PTER: variants seen among roughly 807,000 people sequenced by gnomAD.
PTER encodes the protein phosphotriesterase related.
Under a neutral mutation model 29.6 loss-of-function variants are expected in PTER, and 38 were observed. The ratio of observed to expected loss-of-function variants is 1.28; its 90% confidence interval spans 0.99 to 1.68. The LOEUF is 1.68. PTER is among the 40% of genes most tolerant of loss of function. The pLI is 0.00. For synonymous variants in PTER, 172 were observed against 154.5 expected (o/e 1.11, Z -0.84); for missense variants, 482 against 427.8 (o/e 1.13, Z -1.12).
intron 1 of PTER, among the ~76,000 whole-genome samples, chr10:16,447,101 CTTTTTT>C (rs71374690): frequency 8.0e-6 from 1 of 124,628 alleles, no homozygotes; most frequent in African/African-American, 3.1e-5. Context: ...TTTTTCTTTT[CTTTTTT>C]TTTTTTTTTT....
chr10:16,465,075 G>C (rs1834759280), intron 1 of PTER, among the ~76,000 whole-genome samples: 1 of 152,110 alleles, frequency 6.6e-6, no homozygotes, highest in Non-Finnish European at 1.5e-5. Flanking sequence ...CTCCCACTGG[G>C]TCCCTCCATG....
At chr10:16,438,336 A>G (rs1833726699) in intron 1 of PTER, among the ~76,000 whole-genome samples, 1 of 137,714 alleles carries the variant, frequency 7.3e-6, no homozygotes, top group African/African-American at 2.8e-5. Flanking sequence ...TCATTATTTC[A>G]CCAAAGCTGG....
chr10:16,477,355 T>G (rs898900285), intron 1 of PTER, among the ~76,000 whole-genome samples: 13 of 152,164 alleles, frequency 8.5e-5, no homozygotes, highest in Non-Finnish European at 1.8e-4. Context: ...TTTTATTTTT[T>G]TTTTAGAGAT....
chr10:16,480,706 T>G (rs1835448392), intron 1 of PTER, among the ~76,000 whole-genome samples: 1 of 152,152 alleles, frequency 6.6e-6, no homozygotes, highest in Admixed American at 6.5e-5. Context: ...AAAAATATAT[T>G]CAATCTACAT....
chr10:16,484,443 T>A lies in PTER; in HGVS notation c.59T>A (p.Leu20Gln), dbSNP rs140313051. 30 of 1,612,890 alleles carry A rather than the reference T, an allele frequency of 1.9e-5. No homozygotes were observed. Among genetic ancestry groups the A allele is most frequent in the Non-Finnish European group, 2.0e-5 (24 of 1,179,796 alleles). Residue 20 changes from leucine to glutamine, a missense_variant, in exon 2 of 5, where the codon CTG becomes CAG. Coordinates refer to ENST00000535784, the MANE Select transcript of PTER (RefSeq NM_001261836.2). ...TVLGLVEPSK[L>Q]GRTLTHEHLA... Reference sequence around the variant, plus strand: ...TTGGGCCTTGTAGAGCCAAGCAAACTGGGCCGTACCCTGACCCATGAACAC... The same window carrying A: ...TTGGGCCTTGTAGAGCCAAGCAAACAGGGCCGTACCCTGACCCATGAACAC...
At chr10:16,443,609 T>G (rs1833917207) in intron 1 of PTER, among the ~76,000 whole-genome samples, 1 of 152,220 alleles carries the variant, frequency 6.6e-6, no homozygotes, top group Non-Finnish European at 1.5e-5. Context: ...CTTTAAACAT[T>G]TATGTAATTA....
chr10:16,439,748 A>T (rs111629354), intron 1 of PTER, among the ~76,000 whole-genome samples: 5,814 of 151,910 alleles, frequency 0.038, 336 homozygotes, highest in African/African-American at 0.12. Context: ...TTTTGTAGAG[A>T]TGGGGGGTCT....
At chr10:16,496,933 A>ATTTTT (rs57514349) in intron 3 of PTER, among the ~76,000 whole-genome samples, 1 of 132,034 alleles carries the variant, frequency 7.6e-6, no homozygotes, top group Non-Finnish European at 1.6e-5. Flanking sequence ...GGTTCTCTGG[A>ATTTTT]TTTTTTTTTT....
At chr10:16,499,428 T>TA (rs1564407628) in intron 3 of PTER, among the ~76,000 whole-genome samples, 7 of 151,258 alleles carry the variant, frequency 4.6e-5, no homozygotes, top group African/African-American at 1.5e-4. Flanking sequence ...AATTTAATTA[T>TA]TTTATTTATT....
intron 4 of PTER, among the ~76,000 whole-genome samples, chr10:16,509,078 G>A (rs1836709889): frequency 6.6e-6 from 1 of 152,066 alleles, no homozygotes; most frequent in Admixed American, 6.6e-5. Flanking sequence ...ATATTTGTTT[G>A]CAAACACTAA....
intron 4 of PTER, among the ~76,000 whole-genome samples, chr10:16,506,429 A>C (rs1836568642): frequency 6.6e-6 from 1 of 152,228 alleles, no homozygotes; most frequent in South Asian, 2.1e-4. Flanking sequence ...AGTGGTGCCC[A>C]TTCCACAGGG....
intron 3 of PTER, among the ~76,000 whole-genome samples, chr10:16,496,196 T>C (rs1836090271): frequency 6.6e-6 from 1 of 152,112 alleles, no homozygotes; most frequent in Non-Finnish European, 1.5e-5. Context: ...CAAACACAAA[T>C]CCCTCCCTTA....
At position 16,486,629 on chromosome 10, in the gene PTER, G is replaced by A; in HGVS notation, c.698+12G>A. On this transcript the variant is annotated intron_variant, in intron 3 of 4. Transcript: ENST00000535784. ...TCACACCTGGATAGGTAAGTAGGCT[G>A]TCTTACAAATGGATGCAAACTGCCA... is the stretch of plus-strand genomic sequence containing the variant. 1 of 1,596,242 alleles carries A rather than the reference G, an allele frequency of 6.3e-7. No individual in the cohort carries two copies. The highest frequency in any genetic ancestry group is 8.5e-7 in the Non-Finnish European group (1 of 1,169,972).
Position 16,484,614 on chromosome 10 carries a change from CAG to C in PTER, c.232_233del (p.Glu78SerfsTer10). Reference sequence around the variant, plus strand: ...GAAAACCTTCAATTAAATCAGGAGACAGAAGCCATAAAGGAAGAACTGTTGTA... The same window carrying C: ...GAAAACCTTCAATTAAATCAGGAGACAAGCCATAAAGGAAGAACTGTTGTA... On this transcript the variant is annotated frameshift_variant, in exon 2 of 5. Transcript: ENST00000535784. LOFTEE classifies it high-confidence loss of function. 6.2e-7 allele frequency: 1 copy of C among 1,614,052 alleles called. No individual in the cohort carries two copies. The highest frequency in any genetic ancestry group is 8.5e-7 in the Non-Finnish European group (1 of 1,179,992).
intron 1 of PTER, among the ~76,000 whole-genome samples, chr10:16,444,004 C>CTTTTTT (rs199711479): frequency 7.3e-6 from 1 of 136,862 alleles, no homozygotes; most frequent in African/African-American, 2.7e-5. Context: ...AAAACTTTTT[C>CTTTTTT]TTTTTTTTTT....
rs1401258053 is a variant in PTER, at chr10:16,484,810, G to C, written c.426G>C (p.Val142=). The change falls in exon 2 of 5, where the codon GTG becomes GTC. Residue 142 remains valine, a synonymous_variant. Coordinates refer to ENST00000535784, the MANE Select transcript of PTER (RefSeq NM_001261836.2). ...CCTCAGAGACCAGGGCCATGTCAGT[G>C]GAGCAGGTAAAAAGCCTAAGTTCTT... ...THSSETRAMS[V]EQLTDVLMNE... is the part of the protein sequence containing the mutation. 3 of 1,591,888 alleles carry C rather than the reference G, an allele frequency of 1.9e-6. No individual in the cohort carries two copies. The highest frequency in any genetic ancestry group is 1.1e-5 in the South Asian group (1 of 87,066).
intron 1 of PTER, among the ~76,000 whole-genome samples, chr10:16,449,084 C>T (rs898113263): frequency 2.6e-5 from 4 of 152,168 alleles, no homozygotes; most frequent in Admixed American, 2.0e-4. Flanking sequence ...GAATCACCAC[C>T]CCTGCGTCTT....
At chr10:16,448,420 G>A (rs911849523) in intron 1 of PTER, among the ~76,000 whole-genome samples, 5 of 152,194 alleles carry the variant, frequency 3.3e-5, no homozygotes, top group African/African-American at 4.8e-5. Flanking sequence ...AATGAGGAAC[G>A]TGTTACCTCC....
intron 1 of PTER, among the ~76,000 whole-genome samples, chr10:16,483,777 C>T (rs553321493): frequency 2.9e-4 from 44 of 152,044 alleles, no homozygotes; most frequent in African/African-American, 8.9e-4. Context: ...ACCCAGGAGG[C>T]GGAGGCGGAA....
Sources: gnomAD v4.1 joint callset for allele counts (sites outside exome capture counted in the v4.1 genomes callset) on GRCh38, gnomAD v4.1.1 for gene constraint, MANE v1.5 for transcripts, NCBI Gene and HGNC (gene_info 2026-07-23, HGNC 2026-07-21) for gene names.